Variants in CPLX2 observed in about 807,000 individuals in gnomAD.
The protein encoded by CPLX2 is complexin 2, also known as complexin-2.
Under a neutral mutation model 16.3 loss-of-function variants are expected in CPLX2, and 5 were observed. The observed-to-expected ratio is 0.31, with a 90% CI of 0.16 to 0.64. The LOEUF (loss-of-function observed/expected upper bound fraction) is 0.64, where lower values mean the gene tolerates loss of function less well. Ranked by LOEUF, CPLX2 falls within the 30% of genes least tolerant of loss-of-function variation. CPLX2 has a pLI of 0.79. For missense variants in CPLX2, 144 were observed against 181.4 expected, an observed-to-expected ratio of 0.79 and a Z score of 1.18; for synonymous variants, 89 against 73.2, an observed-to-expected ratio of 1.22 and a Z score of -1.10.
rs1238771061 is a variant in CPLX2 at position 175,799,544 on chromosome 5, A to ATATATTTATATATATTTT, written c.-169+2765_-169+2766insTTATATATATTTTTATAT. Among the ~76,000 whole-genome samples, 3 of 94,458 alleles carry ATATATTTATATATATTTT rather than the reference A, an allele frequency of 3.2e-5. No individual in the cohort carries two copies. The East Asian group carries it at 9.2e-4, about 29-fold the overall frequency. 62.0% of individuals were successfully genotyped at this position (94,458 alleles called of 152,430 possible). On this transcript the variant is annotated intron_variant, in intron 1 of 4. Coordinates refer to the CPLX2 transcript ENST00000359546. ...TGAGATCCCTTTGCAAATTTCATAT[A>ATATATTTATATATATTTT]TATATATATATATATATATATATAT...
At chr5:175,852,564 T>C (rs894752711) in intron 2 of CPLX2, among the ~76,000 whole-genome samples, 21 of 152,196 alleles carry the variant, frequency 1.4e-4, no homozygotes, top group Non-Finnish European at 2.6e-4. Context: ...CATTTAATCT[T>C]CCGAACAGCC....
chr5:175,852,469 T>A (rs1013040999), intron 2 of CPLX2, among the ~76,000 whole-genome samples: 1 of 152,166 alleles, frequency 6.6e-6, no homozygotes, highest in Non-Finnish European at 1.5e-5. Context: ...TTTCTCGGTT[T>A]GACCAGATCA....
chr5:175,801,275 C>T (rs2113621806), intron 1 of CPLX2, among the ~76,000 whole-genome samples: 1 of 152,156 alleles, frequency 6.6e-6, no homozygotes, highest in South Asian at 2.1e-4. Flanking sequence ...CACAGCCTCT[C>T]CCACCTGGAG....
At chr5:175,873,932 T>G (rs1416616884) in intron 1 of CPLX2, among the ~76,000 whole-genome samples, 1 of 152,238 alleles carries the variant, frequency 6.6e-6, no homozygotes, top group Non-Finnish European at 1.5e-5. Context: ...GGGAATAGCA[T>G]GCACAAATGC....
At chr5:175,802,841 T>C (rs911641405) in intron 1 of CPLX2, among the ~76,000 whole-genome samples, 3 of 150,056 alleles carry the variant, frequency 2.0e-5, no homozygotes, top group African/African-American at 7.5e-5. Context: ...TTATTTTCCT[T>C]TTTTTTTTGA....
chr5:175,843,143 C>T (rs1356353793), intron 2 of CPLX2, among the ~76,000 whole-genome samples: 1 of 152,182 alleles, frequency 6.6e-6, no homozygotes, highest in East Asian at 1.9e-4. Flanking sequence ...ACAGCAGCAG[C>T]CACCCAGGGT....
rs1357913700 is a variant in CPLX2 at position 175,809,779 on chromosome 5, C to T, written c.-89+711C>T. ...CACCCACGACCAGTAATCCAGTGTG[C>T]ATAGTTGTAAACTTGTTTCTTTAAA... On this transcript the variant is annotated intron_variant, in intron 2 of 4. Coordinates refer to the CPLX2 transcript ENST00000359546. The surrounding 1 kb of genome is among the most constrained non-coding windows in gnomAD (Gnocchi z 4.4). 6.6e-6 allele frequency among the ~76,000 whole-genome samples: 1 copy of T among 152,210 alleles called. No homozygotes were observed. The highest frequency in any genetic ancestry group is 1.5e-5 in the Non-Finnish European group (1 of 68,044).
chr5:175,856,789 T>TG (rs1225330288), intron 2 of CPLX2, among the ~76,000 whole-genome samples: 1 of 150,878 alleles, frequency 6.6e-6, no homozygotes, highest in Non-Finnish European at 1.5e-5. Flanking sequence ...CTCAGGAAGG[T>TG]GGGGGGTGGG....
At chr5:175,823,257 C>T (rs558645651) in intron 2 of CPLX2, among the ~76,000 whole-genome samples, 1 of 152,178 alleles carries the variant, frequency 6.6e-6, no homozygotes, top group South Asian at 2.1e-4. Context: ...AATGCCAGAC[C>T]CTTAGTAAAT....
In CPLX2 at chr5:175,878,769, A is replaced by T; in HGVS notation, c.30A>T (p.Gly10=). The T allele has an allele frequency of 6.2e-7, 1 of 1,613,454 alleles. No individual in the cohort carries two copies. The highest frequency in any genetic ancestry group is 8.5e-7 in the Non-Finnish European group (1 of 1,179,858). ...ACTTCGTCATGAAGCAGGCCCTTGG[A>T]GGTGAGGTCCAGCGCCCCTCCGCGT... is the stretch of plus-strand genomic sequence containing the variant. MDFVMKQAL[G]GATKDMGKML... Residue 10 remains glycine (G), a splice_region_variant and synonymous_variant, in exon 2 of 4, where the codon GGA becomes GGT. Coordinates refer to ENST00000393745, the MANE Select transcript of CPLX2 (RefSeq NM_001008220.2).
intron 2 of CPLX2, among the ~76,000 whole-genome samples, chr5:175,836,167 G>T (rs373714028): frequency 2.0e-5 from 3 of 152,052 alleles, no homozygotes; most frequent in East Asian, 3.9e-4. Flanking sequence ...TGGCTAACAC[G>T]GTGAAACCCC....
rs78613469 is a variant in CPLX2 at position 175,828,858 on chromosome 5, C to T, written c.-89+19790C>T. Among the ~76,000 whole-genome samples the T allele has an allele frequency of 3.6e-3, 547 of 152,368 alleles. 5 individuals are homozygous for T. Among genetic ancestry groups the T allele is most frequent in the African/African-American group, 0.012 (517 of 41,580 alleles). On this transcript the variant is annotated intron_variant, in intron 2 of 4. Coordinates refer to the CPLX2 transcript ENST00000359546. The stretch of plus-strand genomic sequence containing the variant: ...GCCCACCAAACCCACAGGTGTGAGG[C>T]AGCTTCTGTCTGTGCCTTCTGTTCC...
chr5:175,850,517 G>A (rs1273800492), intron 2 of CPLX2, among the ~76,000 whole-genome samples: 4 of 152,144 alleles, frequency 2.6e-5, no homozygotes, highest in South Asian at 2.1e-4. Context: ...GCACTTCCTC[G>A]GAACACCCCC....
At position 175,879,845 on chromosome 5, in the gene CPLX2, C is replaced by T; in HGVS notation, c.208-3C>T. The T allele has an allele frequency of 6.2e-7, 1 of 1,609,576 alleles. No individual in the cohort carries two copies. The highest frequency in any genetic ancestry group is 1.3e-5 in the African/African-American group (1 of 75,034). ...TGCGCGTCTCTGCCCTCCCCCTCCC[C>T]AGTATGGGCTGAAGAAGAAGGAGGA... On this transcript the variant is annotated splice_polypyrimidine_tract_variant and splice_region_variant and intron_variant, in intron 3 of 3. Coordinates refer to ENST00000393745, the MANE Select transcript of CPLX2 (RefSeq NM_001008220.2).
chr5:175,860,574 G>A (rs1397003704), intron 2 of CPLX2, among the ~76,000 whole-genome samples: 1 of 126,206 alleles, frequency 7.9e-6, no homozygotes, highest in Non-Finnish European at 1.7e-5. Context: ...AAGAAGGGAG[G>A]GAGGGAGGGA....
At chr5:175,825,754 C>T (rs1430022322) in intron 2 of CPLX2, among the ~76,000 whole-genome samples, 2 of 151,968 alleles carry the variant, frequency 1.3e-5, no homozygotes, top group Admixed American at 6.5e-5. Flanking sequence ...ATTCCCATCA[C>T]ACTCCTGGAA....
chr5:175,863,289 C>G (rs1464553195), intron 2 of CPLX2, among the ~76,000 whole-genome samples: 2 of 152,244 alleles, frequency 1.3e-5, no homozygotes. Flanking sequence ...CACCCAAACT[C>G]TGGGACTAGT....
chr5:175,813,783 G>A (rs1324619237), intron 2 of CPLX2, among the ~76,000 whole-genome samples: 1 of 152,204 alleles, frequency 6.6e-6, no homozygotes, highest in Non-Finnish European at 1.5e-5. Flanking sequence ...CTTTTTGGTT[G>A]ATTACATCAA....
chr5:175,825,119 G>A (rs72823126), intron 2 of CPLX2, among the ~76,000 whole-genome samples: 287 of 152,108 alleles, frequency 1.9e-3, no homozygotes, highest in Non-Finnish European at 3.2e-3. Context: ...GAACTGGACC[G>A]GGTACAGTGG....
Sources: allele counts gnomAD v4.1 joint callset (sites outside exome capture counted in the v4.1 genomes callset), GRCh38; gene constraint gnomAD v4.1.1; non-coding constraint Gnocchi (gnomAD v3.1); transcripts MANE v1.5; gene names NCBI Gene and HGNC (gene_info 2026-07-23, HGNC 2026-07-21).